SPG7: variants seen among roughly 807,000 people sequenced by gnomAD.
SPG7 encodes the protein SPG7 matrix AAA peptidase subunit, paraplegin, also known as mitochondrial inner membrane m-AAA protease component paraplegin.
Under a neutral mutation model 81.9 loss-of-function variants are expected in SPG7, and 103 were observed. That is an observed-to-expected ratio of 1.26 (90% CI 1.07 to 1.48). The LOEUF (loss-of-function observed/expected upper bound fraction) is 1.48, where lower values mean the gene tolerates loss of function less well. SPG7 is among the 40% of genes most tolerant of loss of function. The pLI is 0.00. For missense variants in SPG7, 1,241 were observed against 1,087.3 expected, an observed-to-expected ratio of 1.14 and a Z score of -1.99; for synonymous variants, 534 against 444.2, an observed-to-expected ratio of 1.20 and a Z score of -2.54.
At chr16:89,552,091 C>G (rs191759505) in intron 13 of SPG7, 87 of 152,270 alleles carry the variant, frequency 5.7e-4, no homozygotes, top group African/African-American at 2.1e-3. Context: ...GGGTCTCTCT[C>G]TCTGTTGCCC....
rs1284559348 is a variant in SPG7 at position 89,530,732 on chromosome 16, A to T, written c.911A>T (p.Lys304Ile). 6.2e-7 allele frequency: 1 copy of T among 1,614,182 alleles called. No individual in the cohort carries two copies. Among genetic ancestry groups the T allele is most frequent in the Middle Eastern group, 1.6e-4 (1 of 6,062 alleles). Residue 304 changes from lysine (K) to isoleucine (I), a missense_variant, in exon 7 of 17, where the codon AAA (lysine) becomes ATA (isoleucine). Coordinates refer to ENST00000645818, the MANE Select transcript of SPG7 (RefSeq NM_003119.4). The stretch of plus-strand genomic sequence containing the variant: ...ACCATTGTGGATGGGAAGATGGGGA[A>T]AGGAGTCAGCTTCAAAGACGTGGCA... ...RFTIVDGKMG[K>I]GVSFKDVAGM...
chr16:89,519,234 C>G (rs1185065943), intron 3 of SPG7: 1 of 152,018 alleles, frequency 6.6e-6, no homozygotes, highest in Admixed American at 6.6e-5. Context: ...CTGCCTGCCT[C>G]GGTCCCCACA....
chr16:89,542,982 C>G (rs979867513), intron 9 of SPG7: 1 of 118,894 alleles, frequency 8.4e-6, no homozygotes, highest in Non-Finnish European at 1.6e-5. Flanking sequence ...GAGTCTTGCT[C>G]TGTCGCCCAG....
chr16:89,526,125 A>G (rs954799249), intron 4 of SPG7, among the ~76,000 whole-genome samples: 2 of 152,166 alleles, frequency 1.3e-5, no homozygotes, highest in East Asian at 3.8e-4. Context: ...CTTAGTGTGC[A>G]TATTGCTTTT....
chr16:89,508,719 G>A (rs773568808), intron 1 of SPG7, 119 bp downstream of exon 1: 3 of 1,061,518 alleles, frequency 2.8e-6, no homozygotes, highest in South Asian at 2.8e-5. Context: ...GCGCCTGTGG[G>A]CCCGCGGATC....
intron 2 of SPG7, among the ~76,000 whole-genome samples, chr16:89,511,859 C>G (rs1453961752): frequency 2.0e-5 from 3 of 152,156 alleles, no homozygotes; most frequent in Admixed American, 2.0e-4. Context: ...GCTGGGAAGT[C>G]AGGCATGTGT....
At chr16:89,545,568 G>T (rs971025816) in intron 10 of SPG7, 1 of 204,934 alleles carries the variant, frequency 4.9e-6, no homozygotes, top group African/African-American at 2.4e-5. Context: ...CAGGGGACAC[G>T]GCTTCTCCAG....
Position 89,546,376 on chromosome 16 carries a change from G to A in SPG7, c.1450-282G>A, listed in dbSNP as rs1006612806. On this transcript the variant is annotated intron_variant, in intron 10 of 16. Transcript: ENST00000645818. ...CCGGCCATCCAACAGTGTTCTGTTC[G>A]TGTTTAAAATGCTGCTTGTGGCCAG... 2.7e-5 allele frequency: 11 copies of A among 402,050 alleles called. 1 individual carries two copies. The highest frequency in any genetic ancestry group is 1.0e-4 in the African/African-American group (5 of 48,266). The allele number at this position is 402,050 out of a possible 1,614,324, so 24.9% of individuals were successfully genotyped here. A position where few individuals can be genotyped will look rare whatever the true frequency, so the allele number is the denominator to read the frequency against.
At chr16:89,538,719 C>T (rs1160918449) in intron 9 of SPG7, 1 of 152,480 alleles carries the variant, frequency 6.6e-6, no homozygotes, top group African/African-American at 2.4e-5. Flanking sequence ...GTGGTGCTGC[C>T]TCTGCCTGCC....
At chr16:89,516,922 G>T (rs939020570) in intron 3 of SPG7, 7 of 151,688 alleles carry the variant, frequency 4.6e-5, no homozygotes, top group Admixed American at 2.0e-4. Context: ...CAAAAAAAAA[G>T]AAAAAAGAAA....
At chr16:89,530,975 A>G in intron 7 of SPG7, 167 bp downstream of exon 7, 1 of 861,018 alleles carries the variant, frequency 1.2e-6, no homozygotes, top group South Asian at 1.4e-5. Flanking sequence ...TGCCTGTTCA[A>G]CCAGCAGCAC....
chr16:89,557,158 T>C lies in SPG7; in HGVS notation c.*65T>C. The C allele has an allele frequency of 1.4e-5, 18 of 1,322,036 alleles. No individual in the cohort carries two copies. The highest frequency in any genetic ancestry group is 2.4e-5 in the East Asian group (1 of 42,498). The allele number at this position is 1,322,036 out of a possible 1,614,324, so 81.9% of individuals were successfully genotyped here. A position where few individuals can be genotyped will look rare whatever the true frequency, so the allele number is the denominator to read the frequency against. ...TGAGGGCTCACTCAGCCACCCTGAG[T>C]TGCTTTTCAGCTGAGGTTTGCACTT... On this transcript the variant is annotated 3_prime_UTR_variant, in exon 17 of 17. Transcript: ENST00000645818.
rs555788030 is a variant in SPG7, at chr16:89,534,575, T to A, written c.1324+1939T>A. Among the ~76,000 whole-genome samples the A allele has an allele frequency of 4.6e-5, 7 of 152,376 alleles. No individual in the cohort carries two copies. The South Asian group carries it at 1.4e-3, about 32-fold the overall frequency. ...TTCTGGCTCCGAGAGAGCCGTTGAC[T>A]TCCTGTTTTCTTTGTTGCCTGTGGC... On this transcript the variant is annotated intron_variant, in intron 9 of 16. Coordinates refer to ENST00000645818, the MANE Select transcript of SPG7 (RefSeq NM_003119.4).
In SPG7 at chr16:89,535,970, C is replaced by G. The variant is rs2946627; in HGVS notation, c.1324+3334C>G. ...CCTCTCTGGTGCTGTGTGGCCTTCA[C>G]TGTGGCCTCTCTGGTGCTGTGTGGC... On this transcript the variant is annotated intron_variant, in intron 9 of 16. Coordinates refer to ENST00000645818, the MANE Select transcript of SPG7 (RefSeq NM_003119.4). 3.0e-3 allele frequency among the ~76,000 whole-genome samples: 216 copies of G among 72,522 alleles called. 7 individuals are homozygous for G. The highest frequency in any genetic ancestry group is 0.01 in the African/African-American group (189 of 18,358). The allele number at this position is 72,522 out of a possible 152,430, so 47.6% of individuals were successfully genotyped here. A position where few individuals can be genotyped will look rare whatever the true frequency, so the allele number is the denominator to read the frequency against.
chr16:89,553,966 T>G lies in SPG7; in HGVS notation c.2103+6T>G. On this transcript the variant is annotated splice_donor_region_variant and intron_variant, in intron 15 of 16. Transcript: ENST00000645818. The stretch of plus-strand genomic sequence containing the variant: ...TGCAGCAGATGATGGACCATGTGAG[T>G]CGGCTCTGGCCACACCGCTGCCCTC... The G allele has an allele frequency of 6.2e-7, 1 of 1,610,098 alleles. No individual in the cohort carries two copies. Among genetic ancestry groups the G allele is most frequent in the Non-Finnish European group, 8.5e-7 (1 of 1,179,888 alleles).
intron 2 of SPG7, among the ~76,000 whole-genome samples, chr16:89,511,879 C>T (rs961830978): frequency 6.6e-6 from 1 of 151,594 alleles, no homozygotes; most frequent in African/African-American, 2.4e-5. Flanking sequence ...TCACCACGTA[C>T]AGCTACATTT....
intron 9 of SPG7, among the ~76,000 whole-genome samples, chr16:89,534,209 T>C (rs1471563858): frequency 6.6e-6 from 1 of 152,206 alleles, no homozygotes; most frequent in Non-Finnish European, 1.5e-5. Context: ...GCTGTCTGTC[T>C]CTGAGTTTGA....
At position 89,547,933 on chromosome 16, in the gene SPG7, GC is replaced by G. The variant is rs1226546896; in HGVS notation, c.1553-66del. The G allele has an allele frequency of 3.2e-5, 37 of 1,163,394 alleles. No individual in the cohort carries two copies. In the Admixed American group the frequency reaches 6.1e-4, roughly 19 times the overall value. 72.1% of individuals were successfully genotyped at this position (1,163,394 alleles called of 1,614,324 possible). A position where few individuals can be genotyped will look rare whatever the true frequency, so the allele number is the denominator to read the frequency against. On this transcript the variant is annotated intron_variant, in intron 11 of 16. Transcript: ENST00000645818. ...CGGCCATCTTTGTTCTCCCTTGAGG[GC>G]CCCTTCCTCCTCTTAAGCCCTGATA...
chr16:89,510,989 C>T (rs865893555), intron 2 of SPG7, among the ~76,000 whole-genome samples: 2 of 152,148 alleles, frequency 1.3e-5, no homozygotes, highest in Non-Finnish European at 2.9e-5. Flanking sequence ...CACACCAAAG[C>T]GCCTAGCTAA....
Sources: allele counts gnomAD v4.1 joint callset (sites outside exome capture counted in the v4.1 genomes callset), GRCh38; gene constraint gnomAD v4.1.1; transcripts MANE v1.5; gene names NCBI Gene and HGNC (gene_info 2026-07-23, HGNC 2026-07-21).